Variants in YJU2 observed in about 807,000 individuals in gnomAD.
The protein encoded by YJU2 is YJU2 splicing factor homolog.
Under a neutral mutation model 39.6 loss-of-function variants are expected in YJU2, and 28 were observed. That is an observed-to-expected ratio of 0.71 (90% CI 0.52 to 0.97). The LOEUF (loss-of-function observed/expected upper bound fraction) is 0.97. Ranked by LOEUF, YJU2 falls within the 50% of genes least tolerant of loss-of-function variation. The pLI is 0.00. For missense variants in YJU2, 328 were observed against 430.4 expected (o/e 0.76, Z 2.11); for synonymous variants, 184 against 182.4 (o/e 1.01, Z -0.07).
At position 4,258,323 on chromosome 19, in the gene YJU2, C is replaced by A. The variant is rs774772010; in HGVS notation, c.487C>A (p.Arg163=). 2 of 1,578,342 alleles carry A rather than the reference C, an allele frequency of 1.3e-6. No individual in the cohort carries two copies. Among genetic ancestry groups the A allele is most frequent in the Non-Finnish European group, 1.7e-6 (2 of 1,162,884 alleles). ...CCAGGAGCTGAAAGACCTGAACCAG[C>A]GGCAGGCGCACGTGGACTTCGAGGC... ...NLQELKDLNQ[R]QAHVDFEAML... The change falls in exon 5 of 8, where the codon CGG becomes AGG. Residue 163 remains arginine, a synonymous_variant. Coordinates refer to ENST00000262962, the MANE Select transcript of YJU2 (RefSeq NM_018074.6).
intron 1 of YJU2, 165 bp downstream of exon 1, chr19:4,247,335 C>A (rs1217669008): frequency 8.3e-6 from 5 of 602,762 alleles, no homozygotes; most frequent in Non-Finnish European, 1.2e-5. Flanking sequence ...CCATCGCCTT[C>A]CGTCGGGGGG....
intron 3 of YJU2, 81 bp downstream of exon 3, chr19:4,251,252 C>A: frequency 7.7e-7 from 1 of 1,293,932 alleles, no homozygotes; most frequent in Non-Finnish European, 1.1e-6. Flanking sequence ...TCCTTAACTC[C>A]AATCCTCTCC....
chr19:4,260,411 GA>G (rs936781498), intron 5 of YJU2, among the ~76,000 whole-genome samples: 18 of 151,950 alleles, frequency 1.2e-4, no homozygotes, highest in African/African-American at 4.3e-4. Flanking sequence ...CTGGGCGACA[GA>G]GCAAGATTCC....
intron 1 of YJU2, among the ~76,000 whole-genome samples, chr19:4,247,582 C>CGTGT: frequency 3.7e-5 from 1 of 27,332 alleles, no homozygotes; most frequent in South Asian, 1.3e-3. Context: ...TGGGGTGGCG[C>CGTGT]GTGTGTGTGT....
chr19:4,267,187 G>A (rs996819652), intron 6 of YJU2, among the ~76,000 whole-genome samples: 2 of 152,064 alleles, frequency 1.3e-5, no homozygotes, highest in Non-Finnish European at 2.9e-5. Context: ...GTTGGGGAGA[G>A]AGTTATAACA....
At chr19:4,247,461 T>G in intron 1 of YJU2, 1 of 323,634 alleles carries the variant, frequency 3.1e-6, no homozygotes, top group Non-Finnish European at 5.7e-6. Flanking sequence ...GGGGCGGGGC[T>G]TCCTTAAATG....
intron 1 of YJU2, chr19:4,247,397 C>T (rs1223687490): frequency 4.0e-6 from 2 of 494,424 alleles, no homozygotes; most frequent in East Asian, 3.4e-5. Flanking sequence ...TAGTCACCTG[C>T]GGGGCGTGGC....
intron 3 of YJU2, among the ~76,000 whole-genome samples, chr19:4,252,302 A>C (rs1201736721): frequency 6.6e-6 from 1 of 151,918 alleles, no homozygotes; most frequent in Non-Finnish European, 1.5e-5. Flanking sequence ...TCTACTAAAA[A>C]AAAATACAAA....
chr19:4,247,222 T>C (rs755972816), intron 1 of YJU2, 52 bp downstream of exon 1: 2 of 1,535,232 alleles, frequency 1.3e-6, no homozygotes, highest in Admixed American at 3.7e-5. Context: ...ATCCCGGAAC[T>C]CCGGGAGAGG....
intron 2 of YJU2, 93 bp downstream of exon 2, chr19:4,249,421 A>G: frequency 1.3e-6 from 1 of 765,052 alleles, no homozygotes; most frequent in Non-Finnish European, 2.2e-6. Flanking sequence ...TGTTAAGACC[A>G]GATCACTGGT....
intron 6 of YJU2, among the ~76,000 whole-genome samples, chr19:4,264,712 C>T (rs1265503907): frequency 2.0e-5 from 3 of 152,096 alleles, no homozygotes; most frequent in Non-Finnish European, 2.9e-5. Context: ...ATCTAGAACT[C>T]CTGACCTCAG....
In YJU2 at chr19:4,268,561, G is replaced by A. The variant is rs768892443; in HGVS notation, c.860-23G>A. On this transcript the variant is annotated intron_variant, in intron 7 of 7. Coordinates refer to ENST00000262962, the MANE Select transcript of YJU2 (RefSeq NM_018074.6). ...CCTGTCTGCTGTGGAGCTGAGATGAGCTAACTCTCGCTCTCCCACCAGGAG... is the reference window on the plus strand; with the variant it reads ...CCTGTCTGCTGTGGAGCTGAGATGAACTAACTCTCGCTCTCCCACCAGGAG... The A allele has an allele frequency of 5.2e-6, 8 of 1,552,384 alleles. No homozygotes were observed. In the East Asian group the frequency reaches 1.6e-4, roughly 31 times the overall value.
At chr19:4,266,308 C>T (rs980946389) in intron 6 of YJU2, among the ~76,000 whole-genome samples, 4 of 152,128 alleles carry the variant, frequency 2.6e-5, no homozygotes, top group South Asian at 2.1e-4. Context: ...CCCCTCACAC[C>T]GTCAGCTTGG....
chr19:4,258,952 C>T (rs1971047235), intron 5 of YJU2, among the ~76,000 whole-genome samples: 1 of 152,080 alleles, frequency 6.6e-6, no homozygotes, highest in South Asian at 2.1e-4. Flanking sequence ...AGCCCCAGAG[C>T]CCGTCCCATC....
chr19:4,250,315 G>A (rs1970965200), intron 2 of YJU2, among the ~76,000 whole-genome samples: 1 of 151,888 alleles, frequency 6.6e-6, no homozygotes, highest in South Asian at 2.1e-4. Flanking sequence ...CTCATTTATT[G>A]GGCACCTGCT....
intron 4 of YJU2, among the ~76,000 whole-genome samples, chr19:4,257,499 A>T (rs1170064673): frequency 6.7e-6 from 1 of 150,080 alleles, no homozygotes; most frequent in Non-Finnish European, 1.5e-5. Flanking sequence ...TTTGAGATGG[A>T]GTCTCACTCT....
chr19:4,262,197 G>GT (rs1971076914), intron 6 of YJU2, 83 bp downstream of exon 6: 3 of 1,446,468 alleles, frequency 2.1e-6, no homozygotes, highest in Admixed American at 2.2e-5. Context: ...TTTTTCTTTT[G>GT]TTTTTTGTTT....
At chr19:4,257,849 C>T (rs116522144) in intron 4 of YJU2, among the ~76,000 whole-genome samples, 4,928 of 152,092 alleles carry the variant, frequency 0.032, 274 homozygotes, top group African/African-American at 0.11. Context: ...GTGATCCGCC[C>T]GCTCCGGCCT....
chr19:4,260,308 A>T (rs1256705564), intron 5 of YJU2, among the ~76,000 whole-genome samples: 1 of 151,682 alleles, frequency 6.6e-6, no homozygotes, highest in Admixed American at 6.6e-5. Context: ...GATGCCTGTA[A>T]TTCCAGCTGC....
Sources: gnomAD v4.1 joint callset for allele counts (sites outside exome capture counted in the v4.1 genomes callset) on GRCh38, gnomAD v4.1.1 for gene constraint, MANE v1.5 for transcripts, NCBI Gene and HGNC (gene_info 2026-07-23, HGNC 2026-07-21) for gene names.